Variants in KRAS observed in about 807,000 individuals in gnomAD.
KRAS encodes the protein GTPase KRas.
KRAS carries 1 observed loss-of-function variant against 21.0 expected under a neutral mutation model. That is an observed-to-expected ratio of 0.05 (90% confidence interval 0.02 to 0.23). The LOEUF (loss-of-function observed/expected upper bound fraction) is 0.23. Ranked by LOEUF, KRAS falls within the 10% of genes least tolerant of loss-of-function variation. The pLI is 1.00. For missense variants in KRAS, 107 were observed against 221.8 expected, an observed-to-expected ratio of 0.48 and a Z score of 3.29; for synonymous variants, 67 against 72.5, an observed-to-expected ratio of 0.92 and a Z score of 0.39.
chr12:25,232,094 G>A (rs944131597), intron 2 of KRAS, among the ~76,000 whole-genome samples: 8 of 152,024 alleles, frequency 5.3e-5, no homozygotes, highest in East Asian at 3.9e-4. Context: ...GGAAAAAAAC[G>A]TGTATCACAA....
chr12:25,206,111 GA>G lies in KRAS; in HGVS notation c.*3683del, dbSNP rs142323886. 6.9e-4 allele frequency: 142 copies of G among 206,488 alleles called. No individual in the cohort carries two copies. The highest frequency in any genetic ancestry group is 1.2e-3 in the East Asian group (16 of 13,362). 12.8% of individuals were successfully genotyped at this position (206,488 alleles called of 1,614,324 possible). Reference sequence around the variant, plus strand: ...CTGTTTGAAGAAAAAATGTTTAGAAGAAAAAAAAAATCAATGGAATACAAAT... The same window carrying G: ...CTGTTTGAAGAAAAAATGTTTAGAAGAAAAAAAAATCAATGGAATACAAAT... On this transcript the variant is annotated 3_prime_UTR_variant, in exon 5 of 5. Coordinates refer to ENST00000311936, the MANE Select transcript of KRAS (RefSeq NM_004985.5).
intron 4 of KRAS, among the ~76,000 whole-genome samples, chr12:25,223,471 T>C (rs1951352985): frequency 6.6e-6 from 1 of 152,200 alleles, no homozygotes; most frequent in Admixed American, 6.5e-5. Context: ...ATGTGAAATC[T>C]TAATTCCTCT....
intron 1 of KRAS, among the ~76,000 whole-genome samples, chr12:25,250,051 T>C (rs1446574108): frequency 6.6e-6 from 1 of 152,150 alleles, no homozygotes; most frequent in Non-Finnish European, 1.5e-5. Flanking sequence ...CACAGCAATG[T>C]CACAGCCCAT....
intron 2 of KRAS, among the ~76,000 whole-genome samples, chr12:25,236,003 T>A (rs1177102169): frequency 5.9e-5 from 9 of 152,104 alleles, no homozygotes; most frequent in Non-Finnish European, 1.5e-5. Context: ...CTAAGGCAAG[T>A]AATGCTCACC....
chr12:25,224,306 C>G (rs763151537), intron 4 of KRAS, among the ~76,000 whole-genome samples: 7 of 151,856 alleles, frequency 4.6e-5, no homozygotes, highest in Non-Finnish European at 1.0e-4. Flanking sequence ...TGTTACTGCC[C>G]CTGAAGATCT....
At chr12:25,250,261 C>T (rs1592828549) in intron 1 of KRAS, among the ~76,000 whole-genome samples, 1 of 152,294 alleles carries the variant, frequency 6.6e-6, no homozygotes, top group African/African-American at 2.4e-5. Context: ...ATACCTTCGT[C>T]CTAGAGATGC....
At chr12:25,238,444 A>T (rs570795375) in intron 2 of KRAS, among the ~76,000 whole-genome samples, 2 of 152,314 alleles carry the variant, frequency 1.3e-5, no homozygotes, top group Admixed American at 6.5e-5. Context: ...TAGCCTTAAT[A>T]GCAATTTCCT....
At chr12:25,209,985 A>C in intron 4 of KRAS, 74 bp from the exon 5 acceptor site, 1 of 1,063,338 alleles carries the variant, frequency 9.4e-7, no homozygotes, top group Non-Finnish European at 1.4e-6. Context: ...AATTTCATTA[A>C]TGGAAAAAAT....
chr12:25,239,774 G>A (rs1395079947), intron 2 of KRAS, among the ~76,000 whole-genome samples: 4 of 152,074 alleles, frequency 2.6e-5, no homozygotes, highest in African/African-American at 7.2e-5. Context: ...CCAACATGGT[G>A]AAACCCCGTC....
intron 2 of KRAS, among the ~76,000 whole-genome samples, chr12:25,227,678 AC>A (rs776307147): frequency 6.6e-6 from 1 of 152,170 alleles, no homozygotes; most frequent in Non-Finnish European, 1.5e-5. Context: ...AAAAAACAAA[AC>A]AAAAAAACTC....
chr12:25,205,623 AAC>A lies in KRAS; in HGVS notation c.*4170_*4171del, dbSNP rs775514503. On this transcript the variant is annotated 3_prime_UTR_variant, in exon 5 of 5. Coordinates refer to ENST00000311936, the MANE Select transcript of KRAS (RefSeq NM_004985.5). Reference sequence around the variant, plus strand: ...AATGCAAAAGTATTTTCAACATGAAAACACAAGACAGTGGAATTGGAAACTTT... The same window carrying A: ...AATGCAAAAGTATTTTCAACATGAAAACAAGACAGTGGAATTGGAAACTTT... The A allele has an allele frequency of 4.5e-6, 1 of 223,802 alleles. No homozygotes were observed. Among genetic ancestry groups the A allele is most frequent in the Non-Finnish European group, 8.9e-6 (1 of 111,878 alleles). The allele number at this position is 223,802 out of a possible 1,614,324, so 13.9% of individuals were successfully genotyped here. A position where few individuals can be genotyped will look rare whatever the true frequency, so the allele number is the denominator to read the frequency against.
intron 4 of KRAS, chr12:25,215,627 A>G: frequency 7.5e-7 from 1 of 1,342,264 alleles, no homozygotes; most frequent in East Asian, 2.3e-5. Context: ...TGGGAAAGCC[A>G]TGTGCAAGAA....
In KRAS at chr12:25,206,037, C is replaced by CAGAT. The variant is rs886049180; in HGVS notation, c.*3754_*3757dup. On this transcript the variant is annotated 3_prime_UTR_variant, in exon 5 of 5. Coordinates refer to ENST00000311936, the MANE Select transcript of KRAS (RefSeq NM_004985.5). ...TTACTTTTTGACAAATGGAAATCTTCAGATAGTTTTTGCTGTCTAAAAAAA... is the reference window on the plus strand; with the variant it reads ...TTACTTTTTGACAAATGGAAATCTTCAGATAGATAGTTTTTGCTGTCTAAAAAAA... 1 of 206,650 alleles carries CAGAT rather than the reference C, an allele frequency of 4.8e-6. No individual in the cohort carries two copies. Among genetic ancestry groups the CAGAT allele is most frequent in the Non-Finnish European group, 9.8e-6 (1 of 101,714 alleles). The allele number at this position is 206,650 out of a possible 1,614,324, so 12.8% of individuals were successfully genotyped here.
At chr12:25,235,234 A>G (rs1462404009) in intron 2 of KRAS, 2 of 564,240 alleles carry the variant, frequency 3.5e-6, no homozygotes, top group South Asian at 4.4e-5. Flanking sequence ...CACCTGTAGG[A>G]AAAGATGAGA....
chr12:25,250,519 G>A (rs1244793620), intron 1 of KRAS, among the ~76,000 whole-genome samples: 3 of 152,108 alleles, frequency 2.0e-5, no homozygotes, highest in African/African-American at 7.2e-5. Context: ...ACCGCCTCCA[G>A]CCTCACCCTC....
At chr12:25,221,024 CAAA>C (rs67015511) in intron 4 of KRAS, among the ~76,000 whole-genome samples, 2,212 of 84,728 alleles carry the variant, frequency 0.026, 33 homozygotes, top group African/African-American at 0.081. Context: ...GACTCTGCCT[CAAA>C]AAAAAAAAAA....
intron 2 of KRAS, among the ~76,000 whole-genome samples, chr12:25,235,792 C>T (rs1049457060): frequency 6.6e-6 from 1 of 152,102 alleles, no homozygotes; most frequent in South Asian, 2.1e-4. Flanking sequence ...CCAACTTTTC[C>T]GGCATCAGGG....
intron 4 of KRAS, among the ~76,000 whole-genome samples, chr12:25,218,825 C>T (rs953351909): frequency 6.6e-6 from 1 of 152,030 alleles, no homozygotes; most frequent in African/African-American, 2.4e-5. Flanking sequence ...TATTTAATAC[C>T]GACTGGCTAC....
intron 2 of KRAS, among the ~76,000 whole-genome samples, chr12:25,238,651 G>C (rs1262555895): frequency 6.6e-6 from 1 of 152,038 alleles, no homozygotes; most frequent in Non-Finnish European, 1.5e-5. Context: ...TTTGTTTCTA[G>C]ATGAAATCAT....
Sources: allele counts gnomAD v4.1 joint callset (sites outside exome capture counted in the v4.1 genomes callset), GRCh38; gene constraint gnomAD v4.1.1; transcripts MANE v1.5; gene names NCBI Gene and HGNC (gene_info 2026-07-23, HGNC 2026-07-21).